Variants in NBEA observed in about 807,000 individuals in gnomAD.
NBEA encodes lysosomal-trafficking regulator 2.
NBEA carries 44 observed loss-of-function variants against 343.4 expected under a neutral mutation model. The ratio of observed to expected loss-of-function variants is 0.13; its 90% CI spans 0.10 to 0.16. The LOEUF is 0.16. NBEA is among the 10% of genes least tolerant of loss of function. The pLI, the probability that NBEA is intolerant of heterozygous loss-of-function variation, is 1.00. For missense variants in NBEA, 2,555 were observed against 3,631.3 expected (o/e 0.70, Z 7.62); for synonymous variants, 1,175 against 1,238.7 (o/e 0.95, Z 1.08).
chr13:35,188,412 C>G (rs1202378304), intron 30 of NBEA, among the ~76,000 whole-genome samples: 1 of 152,062 alleles, frequency 6.6e-6, no homozygotes, highest in African/African-American at 2.4e-5. Context: ...TCTTCCCAGT[C>G]CCTAGTAACC....
intron 41 of NBEA, among the ~76,000 whole-genome samples, chr13:35,536,801 T>TA (rs1015058067): frequency 3.7e-4 from 56 of 152,308 alleles, no homozygotes; most frequent in Middle Eastern, 3.4e-3. Flanking sequence ...TCCTAATTCT[T>TA]ACGCTGATAG....
chr13:34,947,445 C>T (rs75658887), intron 1 of NBEA, among the ~76,000 whole-genome samples: 3,088 of 152,002 alleles, frequency 0.02, 110 homozygotes, highest in African/African-American at 0.067. Flanking sequence ...ACCCAGTGCC[C>T]GTTTTGTGTC....
At chr13:35,307,281 T>A (rs2036956629) in intron 35 of NBEA, among the ~76,000 whole-genome samples, 1 of 152,034 alleles carries the variant, frequency 6.6e-6, no homozygotes, top group African/African-American at 2.4e-5. Context: ...ATCCTACAAT[T>A]TCCTCTGGCT....
chr13:35,013,277 A>G (rs931238149), intron 1 of NBEA, among the ~76,000 whole-genome samples: 1 of 152,154 alleles, frequency 6.6e-6, no homozygotes, highest in Non-Finnish European at 1.5e-5. Flanking sequence ...AGATATATCT[A>G]GCCCCCACCC....
At chr13:35,179,274 G>T (rs2071136322) in intron 28 of NBEA, among the ~76,000 whole-genome samples, 1 of 151,508 alleles carries the variant, frequency 6.6e-6, no homozygotes. Flanking sequence ...TTTAGTGCTT[G>T]ATACATAATA....
intron 55 of NBEA, among the ~76,000 whole-genome samples, chr13:35,660,075 G>A (rs1000227815): frequency 3.3e-5 from 5 of 152,170 alleles, no homozygotes; most frequent in African/African-American, 1.2e-4. Context: ...TCTCTGACTG[G>A]TGTTCTTTAA....
At chr13:35,298,478 A>G (rs906159588) in intron 35 of NBEA, among the ~76,000 whole-genome samples, 1 of 151,730 alleles carries the variant, frequency 6.6e-6, no homozygotes, top group Non-Finnish European at 1.5e-5. Context: ...GAAATATTTA[A>G]TATAACTTAG....
Position 35,232,532 on chromosome 13 carries a change from C to A in NBEA, c.5689C>A (p.Pro1897Thr). ...TGAAAGAGCGTTAGAAAAAGTTGCT[C>A]CTCTTCTTCGTGAAATTTTTGTAGA... ...KLERALEKVA[P>T]LLREIFVDFA... Residue 1897 changes from proline to threonine, a missense_variant, in exon 34 of 59, where the codon CCT (proline) becomes ACT (threonine). By Grantham distance (38) the Pro-to-Thr change is conservative (BLOSUM62 -1). Coordinates refer to ENST00000379939, the MANE Select transcript of NBEA (RefSeq NM_001385012.1). 6.5e-7 allele frequency: 1 copy of A among 1,549,492 alleles called. No individual in the cohort carries two copies. Among genetic ancestry groups the A allele is most frequent in the South Asian group, 1.2e-5 (1 of 83,696 alleles).
intron 34 of NBEA, among the ~76,000 whole-genome samples, chr13:35,260,486 C>T (rs768494457): frequency 5.3e-5 from 8 of 152,152 alleles, no homozygotes; most frequent in Non-Finnish European, 1.0e-4. Flanking sequence ...TTTAATTTCT[C>T]TGATTTGCCT....
At chr13:35,125,782 G>A (rs1391902468) in intron 17 of NBEA, among the ~76,000 whole-genome samples, 1 of 152,046 alleles carries the variant, frequency 6.6e-6, no homozygotes, top group Non-Finnish European at 1.5e-5. Flanking sequence ...GGAATACATA[G>A]CATTTTGATT....
chr13:35,363,702 C>T (rs1358304853), intron 38 of NBEA, among the ~76,000 whole-genome samples: 1 of 151,884 alleles, frequency 6.6e-6, no homozygotes, highest in Non-Finnish European at 1.5e-5. Context: ...CTTTCTAGAA[C>T]CATCCTAAAA....
chr13:35,352,997 C>T (rs2040271585), intron 38 of NBEA, among the ~76,000 whole-genome samples: 1 of 152,040 alleles, frequency 6.6e-6, no homozygotes, highest in African/African-American at 2.4e-5. Flanking sequence ...ATTTAGATTG[C>T]TGATGTTCTT....
At chr13:35,436,664 C>T (rs1316090162) in intron 39 of NBEA, among the ~76,000 whole-genome samples, 3 of 149,144 alleles carry the variant, frequency 2.0e-5, no homozygotes, top group Non-Finnish European at 4.4e-5. Context: ...GAGCCTAGAT[C>T]GCGCCAATGC....
intron 41 of NBEA, chr13:35,477,170 G>A (rs1422797660): frequency 6.0e-6 from 1 of 166,646 alleles, no homozygotes; most frequent in African/African-American, 2.4e-5. Flanking sequence ...CAGACTACTG[G>A]CATATGGAAG....
At chr13:35,307,111 T>C (rs951862739) in intron 35 of NBEA, among the ~76,000 whole-genome samples, 1 of 152,046 alleles carries the variant, frequency 6.6e-6, no homozygotes, top group African/African-American at 2.4e-5. Flanking sequence ...GAAAACTTAA[T>C]AATTTTTTTA....
chr13:35,332,141 A>G (rs2038964441), intron 36 of NBEA, among the ~76,000 whole-genome samples: 1 of 152,090 alleles, frequency 6.6e-6, no homozygotes, highest in East Asian at 1.9e-4. Flanking sequence ...CATACTGGAT[A>G]CTGAGATAAA....
At chr13:35,622,505 A>G (rs2083036884) in intron 48 of NBEA, among the ~76,000 whole-genome samples, 1 of 152,218 alleles carries the variant, frequency 6.6e-6, no homozygotes, top group Non-Finnish European at 1.5e-5. Context: ...TTATACATCC[A>G]GAAACAGTCA....
chr13:35,151,368 A>T (rs1220929866), intron 18 of NBEA, among the ~76,000 whole-genome samples: 1 of 151,838 alleles, frequency 6.6e-6, no homozygotes, highest in Admixed American at 6.6e-5. Context: ...ACATGGAGAA[A>T]CCCCATCACT....
At position 35,044,904 on chromosome 13, in the gene NBEA, A is replaced by C. The variant is rs755882838; in HGVS notation, c.527-43A>C. On this transcript the variant is annotated intron_variant, in intron 2 of 58. Coordinates refer to ENST00000379939, the MANE Select transcript of NBEA (RefSeq NM_001385012.1). ...AAAGTATATTACCTTGACAGATGGC[A>C]GCTCATGACTAGAGTTCAGAATAAC... The C allele has an allele frequency of 3.4e-5, 50 of 1,470,302 alleles. No individual in the cohort carries two copies. In the Admixed American group the frequency reaches 9.0e-4, roughly 27 times the overall value. 91.1% of individuals were successfully genotyped at this position (1,470,302 alleles called of 1,614,324 possible).
Sources: gnomAD v4.1 joint callset for allele counts (sites outside exome capture counted in the v4.1 genomes callset) on GRCh38, gnomAD v4.1.1 for gene constraint, MANE v1.5 for transcripts, NCBI Gene and HGNC (gene_info 2026-07-23, HGNC 2026-07-21) for gene names.